KIF21B: variants seen among roughly 807,000 people sequenced by gnomAD.
KIF21B encodes kinesin-like protein KIF21B.
A neutral mutation model predicts 192.9 loss-of-function variants in KIF21B; 85 were observed. That is an observed-to-expected ratio of 0.44 (90% CI 0.37 to 0.53). The LOEUF is 0.53. Among genes scored for constraint, KIF21B ranks in the 20% least tolerant of loss-of-function variants. The pLI is 0.00. For synonymous variants in KIF21B, 832 were observed against 884.6 expected (o/e 0.94, Z 1.05); for missense variants, 1,716 against 2,194.8 (o/e 0.78, Z 4.36).
chr1:201,007,507 G>C (rs1286792849), intron 3 of KIF21B, among the ~76,000 whole-genome samples: 6 of 103,006 alleles, frequency 5.8e-5, no homozygotes, highest in Non-Finnish European at 6.2e-5. Flanking sequence ...GACAGACACA[G>C]ACATACACAC....
rs1657400888 is a variant in KIF21B, at chr1:201,000,371, G to C, written c.1685+19C>G. On this transcript the variant is annotated intron_variant, in intron 11 of 34. Transcript: ENST00000461742. This position sits in a 1 kb window ranked among gnomAD's most constrained non-coding sequence, Gnocchi z 6.0. Reference sequence around the variant, plus strand: ...GGCGGTCTGAGGGCTCTCAGGGGCGGGGACGACACTCCACTCACCTCTTCC... The same window carrying C: ...GGCGGTCTGAGGGCTCTCAGGGGCGCGGACGACACTCCACTCACCTCTTCC... 1 of 1,537,904 alleles carries C rather than the reference G, an allele frequency of 6.5e-7. No individual in the cohort carries two copies. Among genetic ancestry groups the C allele is most frequent in the East Asian group, 2.2e-5 (1 of 44,446 alleles).
chr1:200,984,927 C>T lies in KIF21B; in HGVS notation c.3735G>A (p.Arg1245=), dbSNP rs1296422999. The part of the protein sequence containing the change: ...GFTPPSSPPT[R]PRNDRNVFSR... Reference sequence around the variant, plus strand: ...AGAAGACATTGCGGTCATTGCGGGGCCGAGTGGGAGGGGATGATGGGGGTG... The same window carrying T: ...AGAAGACATTGCGGTCATTGCGGGGTCGAGTGGGAGGGGATGATGGGGGTG... Residue 1245 remains arginine (R), a synonymous_variant, in exon 27 of 35, where the codon CGG becomes CGA. Transcript: ENST00000461742. 9 of 1,607,280 alleles carry T rather than the reference C, an allele frequency of 5.6e-6. No individual in the cohort carries two copies. Among genetic ancestry groups the T allele is most frequent in the Non-Finnish European group, 7.6e-6 (9 of 1,177,524 alleles).
chr1:201,013,858 T>G (rs1658359255), intron 1 of KIF21B, among the ~76,000 whole-genome samples: 1 of 152,210 alleles, frequency 6.6e-6, no homozygotes, highest in Non-Finnish European at 1.5e-5. Flanking sequence ...TTTCTGTCAG[T>G]AAAGTTTTGC....
chr1:200,989,046 T>C, intron 21 of KIF21B, 115 bp from the exon 22 acceptor site: 1 of 1,092,392 alleles, frequency 9.2e-7, no homozygotes, highest in South Asian at 1.6e-5. Context: ...GCTCCCAACA[T>C]CACCCTTGTA....
At chr1:200,979,773 C>T (rs1655798404) in intron 29 of KIF21B, 58 bp from the exon 30 acceptor site, 1 of 1,414,296 alleles carries the variant, frequency 7.1e-7, no homozygotes, top group South Asian at 1.5e-5. Flanking sequence ...CTAGGGGGCG[C>T]AGCTCCACCT....
intron 15 of KIF21B, 147 bp downstream of exon 15, chr1:200,996,049 G>A: frequency 1.2e-6 from 1 of 849,194 alleles, no homozygotes; most frequent in East Asian, 2.4e-5. Flanking sequence ...CGTGTCAAGG[G>A]CCAAGACAGG....
chr1:201,000,855 T>C lies in KIF21B; in HGVS notation c.1403-75A>G, dbSNP rs6656481. 295,502 of 1,513,246 alleles carry C rather than the reference T, an allele frequency of 0.2. 41,424 individuals are homozygous for C. Among genetic ancestry groups the C allele is most frequent in the African/African-American group, 0.68 (49,410 of 72,216 alleles). 93.7% of individuals were successfully genotyped at this position (1,513,246 alleles called of 1,614,324 possible). On this transcript the variant is annotated intron_variant, in intron 9 of 34. Coordinates refer to ENST00000461742, the MANE Select transcript of KIF21B (RefSeq NM_001252102.2). This position sits in a 1 kb window ranked among gnomAD's most constrained non-coding sequence, Gnocchi z 6.0. ...CAGCGCGGTGGCTCAGACCTATAAT[T>C]CCAGCACTTTGGGAGGCCAAGGCGG...
At position 201,004,678 on chromosome 1, in the gene KIF21B, A is replaced by G. The variant is rs548206606; in HGVS notation, c.900+88T>C. ...CTAATTGGCAAGATGTCCAAGGAGG[A>G]CTCAGCAGGTGTAGGACTGCAGGGC... On this transcript the variant is annotated intron_variant, in intron 6 of 34. Coordinates refer to ENST00000461742, the MANE Select transcript of KIF21B (RefSeq NM_001252102.2). The G allele has an allele frequency of 1.7e-4, 259 of 1,498,780 alleles. 2 individuals carry two copies. The Middle Eastern group carries it at 2.6e-3, about 15-fold the overall frequency. 92.8% of individuals were successfully genotyped at this position (1,498,780 alleles called of 1,614,324 possible).
At chr1:200,987,623 C>T (rs1406858121) in intron 24 of KIF21B, among the ~76,000 whole-genome samples, 2 of 152,240 alleles carry the variant, frequency 1.3e-5, no homozygotes, top group Non-Finnish European at 2.9e-5. Flanking sequence ...AGACAGACAT[C>T]ACCTGTGCTC....
rs1655272297 is a variant in KIF21B, at chr1:200,972,517, C to G, written c.*1004G>C. 1 of 152,578 alleles carries G rather than the reference C, an allele frequency of 6.6e-6. No homozygotes were observed. The highest frequency in any genetic ancestry group is 2.4e-5 in the African/African-American group (1 of 41,442). The allele number at this position is 152,578 out of a possible 1,614,324, so 9.5% of individuals were successfully genotyped here. ...CCCGCCTTCCCGGGGGCGCTGGGCA[C>G]AAGACCTCGCGAGTGAGAAGACACA... is the stretch of plus-strand genomic sequence containing the variant. On this transcript the variant is annotated 3_prime_UTR_variant, in exon 35 of 35. Coordinates refer to ENST00000461742, the MANE Select transcript of KIF21B (RefSeq NM_001252102.2).
chr1:201,000,632 G>A lies in KIF21B; in HGVS notation c.1467-24C>T, dbSNP rs778283505. 6 of 1,613,112 alleles carry A rather than the reference G, an allele frequency of 3.7e-6. No homozygotes were observed. Among genetic ancestry groups the A allele is most frequent in the South Asian group, 1.1e-5 (1 of 91,076 alleles). ...TCCTGCACAGGAAGAACGAGTGGAC[G>A]GGGCCGAGTGAGCTGCCACAGCCCT... On this transcript the variant is annotated intron_variant, in intron 10 of 34. Transcript: ENST00000461742. The surrounding 1 kb of genome is among the most constrained non-coding windows in gnomAD (Gnocchi z 6.0).
In KIF21B at chr1:200,971,809, G is replaced by C. The variant is rs1655226891; in HGVS notation, c.*1712C>G. The C allele has an allele frequency of 2.6e-5, 4 of 152,498 alleles. No homozygotes were observed. The highest frequency in any genetic ancestry group is 2.6e-4 in the Admixed American group (4 of 15,276). 9.4% of individuals were successfully genotyped at this position (152,498 alleles called of 1,614,324 possible). A position where few individuals can be genotyped will look rare whatever the true frequency, so the allele number is the denominator to read the frequency against. On this transcript the variant is annotated 3_prime_UTR_variant, in exon 35 of 35. Transcript: ENST00000461742. ...CAGCTCCGAGGAGGGCACGGGGAAG[G>C]GACCAGGCCTCACTCAGCCTCCACT...
chr1:201,011,703 C>A (rs1208852393), intron 1 of KIF21B, among the ~76,000 whole-genome samples: 1 of 152,140 alleles, frequency 6.6e-6, no homozygotes, highest in African/African-American at 2.4e-5. Flanking sequence ...CCAGGTATTC[C>A]TAGGTAAACC....
At position 201,004,562 on chromosome 1, in the gene KIF21B, C is replaced by G. The variant is rs776769127; in HGVS notation, c.901-107G>C. 1.7e-5 allele frequency: 20 copies of G among 1,151,924 alleles called. No individual in the cohort carries two copies. In the South Asian group the frequency reaches 2.6e-4, roughly 15 times the overall value. The allele number at this position is 1,151,924 out of a possible 1,614,324, so 71.4% of individuals were successfully genotyped here. On this transcript the variant is annotated intron_variant, in intron 6 of 34. Coordinates refer to ENST00000461742, the MANE Select transcript of KIF21B (RefSeq NM_001252102.2). ...GTACCTGCCTCTTTGGCCCCAGCAG[C>G]CCTCTTGCTCCTTGGGTGGGTTTAT... is the stretch of plus-strand genomic sequence containing the variant.
intron 27 of KIF21B, among the ~76,000 whole-genome samples, chr1:200,984,548 G>T (rs1225631129): frequency 6.6e-6 from 1 of 152,202 alleles, no homozygotes; most frequent in Non-Finnish European, 1.5e-5. Flanking sequence ...GGATTAAAGG[G>T]CAGCTCTGGA....
rs1040960265 is a variant in KIF21B, at chr1:201,000,100, A to G, written c.1686-136T>C. 14 of 798,210 alleles carry G rather than the reference A, an allele frequency of 1.8e-5. No individual in the cohort carries two copies. In the East Asian group the frequency reaches 3.6e-4, roughly 21 times the overall value. 49.4% of individuals were successfully genotyped at this position (798,210 alleles called of 1,614,324 possible). Reference sequence around the variant, plus strand: ...GAGCACTGGCTCCTACTCTGCAGAGAACCCCACTGCTCTTCCCTAGGGCCA... The same window carrying G: ...GAGCACTGGCTCCTACTCTGCAGAGGACCCCACTGCTCTTCCCTAGGGCCA... On this transcript the variant is annotated intron_variant, in intron 11 of 34. Transcript: ENST00000461742. The surrounding 1 kb of genome is among the most constrained non-coding windows in gnomAD (Gnocchi z 6.0).
rs1340334867 is a variant in KIF21B at position 200,990,517 on chromosome 1, G to C, written c.2835+59C>G. The C allele has an allele frequency of 6.9e-6, 11 of 1,584,480 alleles. No homozygotes were observed. The highest frequency in any genetic ancestry group is 1.1e-5 in the South Asian group (1 of 88,094). ...AAGGTCTGAAGAGCCAGAGAAGTTG[G>C]AGGTGTCAGAGGACAGGCAGAGGGG... On this transcript the variant is annotated intron_variant, in intron 19 of 34. Coordinates refer to ENST00000461742, the MANE Select transcript of KIF21B (RefSeq NM_001252102.2). This position sits in a 1 kb window ranked among gnomAD's most constrained non-coding sequence, Gnocchi z 5.4.
chr1:201,010,511 C>G (rs996096120), intron 1 of KIF21B, among the ~76,000 whole-genome samples: 2 of 152,260 alleles, frequency 1.3e-5, no homozygotes, highest in South Asian at 4.1e-4. Context: ...AGCAAGCATG[C>G]GTGTACAGGG....
rs1655225798 is a variant in KIF21B at position 200,971,791 on chromosome 1, G to C, written c.*1730C>G. ...CCGTCTTAGCCTCTGTGGCAGCTCC[G>C]AGGAGGGCACGGGGAAGGGACCAGG... On this transcript the variant is annotated 3_prime_UTR_variant, in exon 35 of 35. Transcript: ENST00000461742. The C allele has an allele frequency of 6.6e-6, 1 of 152,496 alleles. No individual in the cohort carries two copies. Among genetic ancestry groups the C allele is most frequent in the African/African-American group, 2.4e-5 (1 of 41,454 alleles). The allele number at this position is 152,496 out of a possible 1,614,324, so 9.4% of individuals were successfully genotyped here. A position where few individuals can be genotyped will look rare whatever the true frequency, so the allele number is the denominator to read the frequency against.
Sources: gnomAD v4.1 joint callset for allele counts (sites outside exome capture counted in the v4.1 genomes callset) on GRCh38, gnomAD v4.1.1 for gene constraint, Gnocchi (gnomAD v3.1) non-coding constraint, MANE v1.5 for transcripts, NCBI Gene and HGNC (gene_info 2026-07-23, HGNC 2026-07-21) for gene names.